Variants in DDX27 observed in about 807,000 individuals in gnomAD.
DDX27 encodes DEAD-box helicase 27.
DDX27 carries 42 observed loss-of-function variants against 99.3 expected under a neutral mutation model. The observed-to-expected ratio is 0.42, with a 90% CI of 0.33 to 0.55. The LOEUF is 0.55. Ranked by LOEUF, DDX27 falls within the 20% of genes least tolerant of loss-of-function variation. The probability of loss-of-function intolerance (pLI) is 0.07; values close to 1 mark genes in which losing one functional copy is unlikely to be tolerated. For synonymous variants in DDX27, 329 were observed against 353.8 expected (o/e 0.93, Z 0.79); for missense variants, 798 against 976.8 (o/e 0.82, Z 2.44).
chr20:49,226,170 A>G (rs1397237663), intron 6 of DDX27, among the ~76,000 whole-genome samples: 5 of 152,054 alleles, frequency 3.3e-5, no homozygotes, highest in Non-Finnish European at 7.4e-5. Flanking sequence ...ATCTCTCCAT[A>G]TGACATGTGT....
intron 1 of DDX27, 71 bp from the exon 2 acceptor site, chr20:49,221,381 C>T (rs1164414673): frequency 6.3e-7 from 1 of 1,587,030 alleles, no homozygotes; most frequent in Non-Finnish European, 8.6e-7. Flanking sequence ...AGCCACTGTG[C>T]CTGGCCCCTT....
chr20:49,233,749 A>G, intron 11 of DDX27, 40 bp downstream of exon 11: 1 of 1,598,364 alleles, frequency 6.3e-7, no homozygotes, highest in Non-Finnish European at 8.5e-7. Context: ...TGGGCTGGTC[A>G]GCTTCCTTGA....
intron 6 of DDX27, among the ~76,000 whole-genome samples, chr20:49,225,619 C>T (rs1979858373): frequency 6.6e-6 from 1 of 152,040 alleles, no homozygotes; most frequent in African/African-American, 2.4e-5. Flanking sequence ...CCACGCCCTG[C>T]TAATTTTTTG....
chr20:49,235,618 A>G (rs1207219030), intron 12 of DDX27: 1 of 156,436 alleles, frequency 6.4e-6, no homozygotes, highest in Non-Finnish European at 1.4e-5. Flanking sequence ...TTTGTTAAAG[A>G]TAGGCTGATT....
At chr20:49,240,935 G>A (rs1663014048) in intron 16 of DDX27, among the ~76,000 whole-genome samples, 1 of 152,024 alleles carries the variant, frequency 6.6e-6, no homozygotes, top group South Asian at 2.1e-4. Flanking sequence ...GATCACCTGA[G>A]CCTGGGGAGG....
chr20:49,239,595 C>G (rs1980411592), intron 16 of DDX27, among the ~76,000 whole-genome samples: 1 of 152,180 alleles, frequency 6.6e-6, no homozygotes, highest in South Asian at 2.1e-4. Context: ...AATGCTGCTG[C>G]TGATCTGACA....
chr20:49,242,717 CTTTTTTTTTT>C lies in DDX27; in HGVS notation c.2204+50_2204+59del, dbSNP rs71186444. 124 of 1,419,942 alleles carry C rather than the reference CTTTTTTTTTT, an allele frequency of 8.7e-5. No individual in the cohort carries two copies. The South Asian group carries it at 1.5e-3, about 17-fold the overall frequency. The allele number at this position is 1,419,942 out of a possible 1,614,324, so 88.0% of individuals were successfully genotyped here. On this transcript the variant is annotated intron_variant, in intron 19 of 20. Coordinates refer to ENST00000618172, the MANE Select transcript of DDX27 (RefSeq NM_017895.8). Reference sequence around the variant, plus strand: ...AAGTCATCATGGAGCCCTTGGTATTCTTTTTTTTTTTTTTTTTTTTTTTGAGACGGAGTCT... The same window carrying C: ...AAGTCATCATGGAGCCCTTGGTATTCTTTTTTTTTTTTTGAGACGGAGTCT...
chr20:49,221,341 G>A (rs949463448), intron 1 of DDX27, 111 bp from the exon 2 acceptor site: 7 of 1,271,796 alleles, frequency 5.5e-6, no homozygotes, highest in South Asian at 1.3e-5. Context: ...GCGTGCCTTC[G>A]CCTCCTAAAG....
chr20:49,238,884 C>T, intron 14 of DDX27, 65 bp from the exon 15 acceptor site: 3 of 1,142,510 alleles, frequency 2.6e-6, no homozygotes, highest in Non-Finnish European at 3.8e-6. Context: ...TGCCGGGTTA[C>T]AGGTGTGAGC....
At position 49,231,619 on chromosome 20, in the gene DDX27, C is replaced by T. The variant is rs115228802; in HGVS notation, c.1031+1270C>T. Among the ~76,000 whole-genome samples the T allele has an allele frequency of 1.4e-3, 213 of 152,238 alleles. 2 individuals carry two copies. The highest frequency in any genetic ancestry group is 4.8e-3 in the African/African-American group (200 of 41,520). On this transcript the variant is annotated intron_variant, in intron 9 of 20. Transcript: ENST00000618172. ...GTTGGGCTTGCTGAAAACATGGAAT[C>T]CAAGGAATCTCACAGATTACTATTA...
At chr20:49,228,294 C>G (rs1321381500) in intron 7 of DDX27, among the ~76,000 whole-genome samples, 1 of 152,074 alleles carries the variant, frequency 6.6e-6, no homozygotes, top group Non-Finnish European at 1.5e-5. Flanking sequence ...CACCACCAAG[C>G]CTGGCTAATT....
In DDX27 at chr20:49,222,980, G is replaced by C. The variant is rs746771966; in HGVS notation, c.264G>C (p.Glu88Asp). The C allele has an allele frequency of 5.6e-5, 91 of 1,613,036 alleles. No homozygotes were observed. The highest frequency in any genetic ancestry group is 7.5e-5 in the Non-Finnish European group (89 of 1,179,618). Residue 88 changes from glutamate (E) to aspartate (D), a missense_variant, in exon 3 of 21, where the codon GAG (glutamate) becomes GAC (aspartate). Glu to Asp is a conservative substitution (Grantham distance 45). This residue lies in a region of DDX27 where 245 missense variants were observed against 248.8 expected (regional missense o/e 0.98). Transcript: ENST00000618172. ...KKKRAATTLD[E>D]KIEKVRKKRK... Reference sequence around the variant, plus strand: ...AGAGGGCAGCCACTACATTAGATGAGAAGATTGAGAAAGTTCGAAAGAAAA... The same window carrying C: ...AGAGGGCAGCCACTACATTAGATGACAAGATTGAGAAAGTTCGAAAGAAAA...
intron 16 of DDX27, among the ~76,000 whole-genome samples, chr20:49,241,127 AT>A (rs1328521636): frequency 6.6e-6 from 1 of 152,220 alleles, no homozygotes; most frequent in African/African-American, 2.4e-5. Flanking sequence ...GCAAGTGTAT[AT>A]TTGGCTTGCA....
At chr20:49,230,771 G>GC (rs919891901) in intron 9 of DDX27, among the ~76,000 whole-genome samples, 1 of 148,398 alleles carries the variant, frequency 6.7e-6, no homozygotes, top group African/African-American at 2.5e-5. Context: ...CCCCCACCCC[G>GC]CCCCCCAGCT....
intron 6 of DDX27, 103 bp from the exon 7 acceptor site, chr20:49,226,327 T>C: frequency 1.4e-6 from 1 of 715,084 alleles, no homozygotes; most frequent in Middle Eastern, 2.8e-4. Context: ...GAATGATTGG[T>C]GGGGATTGGT....
chr20:49,220,450 T>A (rs1979610984), intron 1 of DDX27, among the ~76,000 whole-genome samples: 1 of 152,220 alleles, frequency 6.6e-6, no homozygotes, highest in Non-Finnish European at 1.5e-5. Context: ...ATTCTTCGCT[T>A]AGCAGCAGAG....
rs1425691435 is a variant in DDX27 at position 49,221,449 on chromosome 20, C to T, written c.94-3C>T. On this transcript the variant is annotated splice_polypyrimidine_tract_variant and splice_region_variant and intron_variant, in intron 1 of 20. Coordinates refer to ENST00000618172, the MANE Select transcript of DDX27 (RefSeq NM_017895.8). The stretch of plus-strand genomic sequence containing the variant: ...AAGTCACTCTGTCTCTTACTCTTCC[C>T]AGGGGCCCATTGTGCTGGGCAGACG... 1.2e-6 allele frequency: 2 copies of T among 1,613,030 alleles called. No homozygotes were observed. The highest frequency in any genetic ancestry group is 1.7e-6 in the Non-Finnish European group (2 of 1,179,940).
chr20:49,221,744 A>AC, intron 2 of DDX27, 146 bp downstream of exon 2: 1 of 632,246 alleles, frequency 1.6e-6, no homozygotes. Context: ...TTAAAAAAAA[A>AC]CAAAAGAAAA....
chr20:49,220,599 C>A (rs1276168375), intron 1 of DDX27, among the ~76,000 whole-genome samples: 2 of 152,108 alleles, frequency 1.3e-5, no homozygotes, highest in East Asian at 3.9e-4. Flanking sequence ...GCCATTTCCC[C>A]GATGTCCCCT....
Sources: allele counts gnomAD v4.1 joint callset (sites outside exome capture counted in the v4.1 genomes callset), GRCh38; gene constraint gnomAD v4.1.1; regional missense constraint gnomAD v4.1.1; transcripts MANE v1.5; gene names NCBI Gene and HGNC (gene_info 2026-07-23, HGNC 2026-07-21).